Variants in CDK14 observed in about 807,000 individuals in gnomAD.
CDK14 encodes cyclin dependent kinase 14.
In CDK14, 34 loss-of-function variants were observed where a neutral mutation model predicts 60.7. The observed-to-expected ratio is 0.56, with a 90% confidence interval of 0.43 to 0.75. CDK14 has a LOEUF of 0.75. Ranked by LOEUF, CDK14 falls within the 30% of genes least tolerant of loss-of-function variation. The pLI is 0.00. For missense variants in CDK14, 482 were observed against 564.1 expected (o/e 0.85, Z 1.47); for synonymous variants, 197 against 203.7 (o/e 0.97, Z 0.28).
intron 7 of CDK14, among the ~76,000 whole-genome samples, chr7:90,900,093 C>A (rs1013420348): frequency 6.6e-6 from 1 of 152,060 alleles, no homozygotes; most frequent in South Asian, 2.1e-4. Context: ...ATAAGAAACC[C>A]TATTAGTGAT....
At chr7:90,781,701 A>G (rs2116932992) in intron 4 of CDK14, among the ~76,000 whole-genome samples, 1 of 151,266 alleles carries the variant, frequency 6.6e-6, no homozygotes, top group South Asian at 2.1e-4. Flanking sequence ...TGTTTTTCTC[A>G]GGTTTGTCAA....
intron 4 of CDK14, among the ~76,000 whole-genome samples, chr7:90,779,649 C>T (rs1470424281): frequency 6.6e-6 from 1 of 152,172 alleles, no homozygotes; most frequent in African/African-American, 2.4e-5. Context: ...AAGCCATCAC[C>T]CATCTTCAAA....
At chr7:91,027,620 G>A (rs1796609486) in intron 10 of CDK14, among the ~76,000 whole-genome samples, 1 of 152,070 alleles carries the variant, frequency 6.6e-6, no homozygotes, top group Non-Finnish European at 1.5e-5. Context: ...TGCCAAAAGA[G>A]CATTGGATGG....
At chr7:90,898,931 G>A (rs1792417527) in intron 6 of CDK14, among the ~76,000 whole-genome samples, 1 of 151,818 alleles carries the variant, frequency 6.6e-6, no homozygotes, top group South Asian at 2.1e-4. Context: ...TTTGCACTTG[G>A]AAAATATGGG....
intron 5 of CDK14, among the ~76,000 whole-genome samples, chr7:90,845,336 A>G (rs1790431781): frequency 6.6e-6 from 1 of 152,128 alleles, no homozygotes; most frequent in Non-Finnish European, 1.5e-5. Flanking sequence ...CTGGTTAAAC[A>G]TTTTTGGACA....
intron 5 of CDK14, among the ~76,000 whole-genome samples, chr7:90,830,453 G>C (rs1468533106): frequency 2.0e-5 from 3 of 152,220 alleles, no homozygotes; most frequent in African/African-American, 7.2e-5. Context: ...CCTGGCCCAT[G>C]AAGTCATTTT....
At chr7:90,696,247 A>G (rs1345748803) in intron 2 of CDK14, among the ~76,000 whole-genome samples, 1 of 152,000 alleles carries the variant, frequency 6.6e-6, no homozygotes, top group Non-Finnish European at 1.5e-5. Context: ...AGGTAGGCTC[A>G]TATTGAGATG....
chr7:91,208,802 T>G lies in CDK14; in HGVS notation c.*1666T>G, dbSNP rs1802979265. On this transcript the variant is annotated 3_prime_UTR_variant, in exon 15 of 15. Coordinates refer to ENST00000380050, the MANE Select transcript of CDK14 (RefSeq NM_001287135.2). ...ATGGATGGTTATGTCAAAGTCATAGTTCATCCTATCCAGATGTAGCATTCA... is the reference window on the plus strand; with the variant it reads ...ATGGATGGTTATGTCAAAGTCATAGGTCATCCTATCCAGATGTAGCATTCA... The G allele has an allele frequency of 6.6e-6, 1 of 152,646 alleles. No homozygotes were observed. The highest frequency in any genetic ancestry group is 2.4e-5 in the African/African-American group (1 of 41,454). The allele number at this position is 152,646 out of a possible 1,614,324, so 9.5% of individuals were successfully genotyped here.
chr7:90,787,699 G>T (rs1160009888), intron 4 of CDK14, among the ~76,000 whole-genome samples: 1 of 152,080 alleles, frequency 6.6e-6, no homozygotes, highest in Non-Finnish European at 1.5e-5. Context: ...TATATTTTAA[G>T]GAAATTTTAG....
At chr7:90,922,290 A>G (rs1447366594) in intron 8 of CDK14, among the ~76,000 whole-genome samples, 9 of 152,208 alleles carry the variant, frequency 5.9e-5, no homozygotes, top group Non-Finnish European at 1.3e-4. Flanking sequence ...GCATCAATCT[A>G]CTTCTAAAAG....
intron 2 of CDK14, among the ~76,000 whole-genome samples, chr7:90,712,986 C>A (rs1802120146): frequency 8.4e-6 from 1 of 119,632 alleles, no homozygotes; most frequent in Non-Finnish European, 1.7e-5. Context: ...TCTCCTGCTG[C>A]CCGCCATGGG....
intron 12 of CDK14, among the ~76,000 whole-genome samples, chr7:91,103,825 CGAGAGAGAGAGAGAGAGAAAGA>C (rs1799209930): frequency 8.1e-6 from 1 of 123,818 alleles, no homozygotes; most frequent in Non-Finnish European, 1.7e-5. Context: ...GCAAGGAGAC[CGAGAGAGAGAGAGAGAGAAAGA>C]GAGAGAGAGA....
intron 4 of CDK14, among the ~76,000 whole-genome samples, chr7:90,778,215 G>T (rs1466665667): frequency 6.6e-6 from 1 of 152,094 alleles, no homozygotes; most frequent in Non-Finnish European, 1.5e-5. Flanking sequence ...GATACATTTT[G>T]TCTAAATCTT....
intron 12 of CDK14, among the ~76,000 whole-genome samples, chr7:91,095,264 C>T (rs1798948858): frequency 6.6e-6 from 1 of 152,106 alleles, no homozygotes; most frequent in Admixed American, 6.6e-5. Context: ...AGAGCCTGTC[C>T]CATAGAAGGC....
intron 4 of CDK14, among the ~76,000 whole-genome samples, chr7:90,753,176 A>T (rs901530862): frequency 6.6e-6 from 1 of 152,104 alleles, no homozygotes; most frequent in African/African-American, 2.4e-5. Context: ...ATGAACAACT[A>T]GGAAAGAAAC....
At chr7:90,775,699 T>G (rs1805009922) in intron 4 of CDK14, among the ~76,000 whole-genome samples, 1 of 103,400 alleles carries the variant, frequency 9.7e-6, no homozygotes, top group African/African-American at 3.8e-5. Context: ...CTCCTCCTCC[T>G]CTCCTTTTCC....
chr7:91,169,120 T>C (rs1801436408), intron 14 of CDK14, among the ~76,000 whole-genome samples: 1 of 152,252 alleles, frequency 6.6e-6, no homozygotes, highest in African/African-American at 2.4e-5. Flanking sequence ...TATGGTCTGC[T>C]ACACACATGT....
chr7:91,033,165 C>T (rs1263082875), intron 10 of CDK14, among the ~76,000 whole-genome samples: 14 of 152,096 alleles, frequency 9.2e-5, no homozygotes, highest in Non-Finnish European at 1.8e-4. Flanking sequence ...CTGCCAGCTT[C>T]CAGAAATGAT....
chr7:90,784,361 A>T (rs945107514), intron 4 of CDK14, among the ~76,000 whole-genome samples: 6 of 152,180 alleles, frequency 3.9e-5, no homozygotes, highest in African/African-American at 1.4e-4. Context: ...CAATAGGATG[A>T]CTATAGTTAA....
Sources: allele counts gnomAD v4.1 joint callset (sites outside exome capture counted in the v4.1 genomes callset), GRCh38; gene constraint gnomAD v4.1.1; transcripts MANE v1.5; gene names NCBI Gene and HGNC (gene_info 2026-07-23, HGNC 2026-07-21).